RUNX1: variants seen among roughly 807,000 people sequenced by gnomAD.
RUNX1 encodes the protein RUNX family transcription factor 1, also known as runt-related transcription factor 1.
A neutral mutation model predicts 42.8 loss-of-function variants in RUNX1; 19 were observed. That is an observed-to-expected ratio of 0.44 (90% confidence interval 0.31 to 0.65). RUNX1 has a LOEUF of 0.65. RUNX1 is among the 30% of genes least tolerant of loss of function. RUNX1 has a pLI of 0.07. For synonymous variants in RUNX1, 271 were observed against 289.4 expected (o/e 0.94, Z 0.64); for missense variants, 528 against 672.0 (o/e 0.79, Z 2.37).
At chr21:34,809,141 T>G (rs1170172477) in intron 7 of RUNX1, among the ~76,000 whole-genome samples, 2 of 152,100 alleles carry the variant, frequency 1.3e-5, no homozygotes, top group African/African-American at 4.8e-5. Context: ...CTGAAGGAGC[T>G]CTACAGACAG....
At chr21:34,841,651 CCT>C (rs2057237191) in intron 6 of RUNX1, among the ~76,000 whole-genome samples, 2 of 152,184 alleles carry the variant, frequency 1.3e-5, no homozygotes, top group African/African-American at 2.4e-5. Flanking sequence ...TGCTCTTGCC[CCT>C]GTGTCACTGC....
chr21:34,845,717 A>C (rs879586458), intron 6 of RUNX1, among the ~76,000 whole-genome samples: 269 of 128,828 alleles, frequency 2.1e-3, no homozygotes, highest in Middle Eastern at 3.7e-3. Flanking sequence ...TCTCTTCCCC[A>C]CCCCCAACTT....
intron 2 of RUNX1, among the ~76,000 whole-genome samples, chr21:35,031,258 G>A (rs1176549182): frequency 6.6e-6 from 1 of 152,240 alleles, no homozygotes; most frequent in East Asian, 1.9e-4. Context: ...TGAGGCAAGA[G>A]AATTGCTTGA....
intron 2 of RUNX1, among the ~76,000 whole-genome samples, chr21:35,000,409 T>G (rs1409800396): frequency 6.6e-6 from 1 of 151,804 alleles, no homozygotes; most frequent in African/African-American, 2.4e-5. Flanking sequence ...CCTGACTAAT[T>G]TTTTGTATTT....
chr21:35,048,781 G>A, intron 2 of RUNX1, 61 bp downstream of exon 2: 1 of 1,411,124 alleles, frequency 7.1e-7, no homozygotes, highest in East Asian at 2.3e-5. Context: ...GAAACAAGCT[G>A]CCATTTCATT....
intron 2 of RUNX1, among the ~76,000 whole-genome samples, chr21:35,028,292 G>A (rs868423220): frequency 3.9e-5 from 6 of 152,162 alleles, no homozygotes; most frequent in Non-Finnish European, 7.4e-5. Flanking sequence ...TTTAACAAAC[G>A]CTTTGAGGAT....
intron 2 of RUNX1, among the ~76,000 whole-genome samples, chr21:35,043,954 T>C (rs1324241903): frequency 6.6e-6 from 1 of 152,140 alleles, no homozygotes; most frequent in Non-Finnish European, 1.5e-5. Flanking sequence ...TTGGAGAAAA[T>C]AAAGCTACAC....
At chr21:34,798,248 A>G (rs780456934) in intron 8 of RUNX1, among the ~76,000 whole-genome samples, 1 of 152,232 alleles carries the variant, frequency 6.6e-6, no homozygotes, top group African/African-American at 2.4e-5. Flanking sequence ...TGCAGGCATC[A>G]TAACACTGAA....
Position 34,848,283 on chromosome 21 carries a change from G to A in RUNX1, c.613+11191C>T, listed in dbSNP as rs138424223. Among the ~76,000 whole-genome samples, 435 of 152,344 alleles carry A rather than the reference G, an allele frequency of 2.9e-3. 6 individuals are homozygous for A. Among genetic ancestry groups the A allele is most frequent in the African/African-American group, 9.8e-3 (407 of 41,586 alleles). ...AGCTTCGCCATCAGCCACTGCTCCA[G>A]CTCGCCTTTCAGGCTATCTCTTTTA... On this transcript the variant is annotated intron_variant, in intron 6 of 8. Coordinates refer to ENST00000675419, the MANE Select transcript of RUNX1 (RefSeq NM_001754.5).
intron 2 of RUNX1, among the ~76,000 whole-genome samples, chr21:35,036,504 G>A (rs2059309615): frequency 6.6e-6 from 1 of 152,120 alleles, no homozygotes; most frequent in Admixed American, 6.5e-5. Flanking sequence ...AACTTTCTGT[G>A]ACTCTGAAGT....
chr21:34,873,561 G>C (rs114821184), intron 5 of RUNX1, among the ~76,000 whole-genome samples: 137 of 152,288 alleles, frequency 9.0e-4, no homozygotes, highest in African/African-American at 3.1e-3. Context: ...GAAATCAGAG[G>C]AAACGCATTT....
Position 35,048,952 on chromosome 21 carries a change from C to A in RUNX1, c.-53G>T. 3 of 1,549,954 alleles carry A rather than the reference C, an allele frequency of 1.9e-6. No homozygotes were observed. The highest frequency in any genetic ancestry group is 1.8e-6 in the Non-Finnish European group (2 of 1,122,640). ...CTGAAGGCGGGGGACTCAATGATTTCTTTTACCTTCGGAGCGAAAACCAAG... is the reference window on the plus strand; with the variant it reads ...CTGAAGGCGGGGGACTCAATGATTTATTTTACCTTCGGAGCGAAAACCAAG... On this transcript the variant is annotated 5_prime_UTR_variant, in exon 2 of 9. The change creates a premature stop within an existing upstream ORF in the 5' untranslated region. Transcript: ENST00000675419.
intron 2 of RUNX1, among the ~76,000 whole-genome samples, chr21:35,034,084 C>T (rs1350653266): frequency 1.3e-5 from 2 of 152,202 alleles, no homozygotes; most frequent in Non-Finnish European, 2.9e-5. Context: ...ACAGCTTATT[C>T]GTCAGGCACC....
chr21:35,026,813 G>C (rs1377124179), intron 2 of RUNX1, among the ~76,000 whole-genome samples: 1 of 152,264 alleles, frequency 6.6e-6, no homozygotes. Context: ...GGCCCAGACA[G>C]GAAGGGAGGC....
Position 34,843,039 on chromosome 21 carries a change from C to G in RUNX1, c.614-8438G>C, listed in dbSNP as rs964647646. 2.0e-5 allele frequency among the ~76,000 whole-genome samples: 3 copies of G among 152,154 alleles called. No individual in the cohort carries two copies. The highest frequency in any genetic ancestry group is 7.2e-5 in the African/African-American group (3 of 41,432). On this transcript the variant is annotated intron_variant, in intron 6 of 8. Transcript: ENST00000675419. This position sits in a 1 kb window ranked among gnomAD's most constrained non-coding sequence, Gnocchi z 4.8. ...GAGCCAAGATCATGCCAGTGCACTC[C>G]AGCCTGAGCGACAGAGCGAGACTCT...
chr21:34,854,781 G>A (rs1007124463), intron 6 of RUNX1, among the ~76,000 whole-genome samples: 2 of 151,918 alleles, frequency 1.3e-5, no homozygotes, highest in South Asian at 2.1e-4. Context: ...CAGAGGCAAC[G>A]CTGCCTCCAC....
chr21:34,839,499 T>C (rs1266756592), intron 6 of RUNX1, among the ~76,000 whole-genome samples: 1 of 152,272 alleles, frequency 6.6e-6, no homozygotes. Flanking sequence ...CAATGCTTCA[T>C]AGTTTTAGAT....
chr21:34,895,887 C>A (rs1219784734), intron 2 of RUNX1, among the ~76,000 whole-genome samples: 3 of 151,986 alleles, frequency 2.0e-5, no homozygotes, highest in Non-Finnish European at 4.4e-5. Context: ...AGTCTGTCAA[C>A]AACAGCTCGG....
intron 2 of RUNX1, among the ~76,000 whole-genome samples, chr21:35,026,335 T>C (rs1187776548): frequency 6.6e-6 from 1 of 152,160 alleles, no homozygotes; most frequent in Non-Finnish European, 1.5e-5. Flanking sequence ...AACAGGCAAA[T>C]GGGGAAAGAG....
Sources: gnomAD v4.1 joint callset for allele counts (sites outside exome capture counted in the v4.1 genomes callset) on GRCh38, gnomAD v4.1.1 for gene constraint, Gnocchi (gnomAD v3.1) non-coding constraint, MANE v1.5 for transcripts, NCBI Gene and HGNC (gene_info 2026-07-23, HGNC 2026-07-21) for gene names.